Variants in LRCH2 observed in about 807,000 individuals in gnomAD.
LRCH2 encodes leucine rich repeats and calponin homology domain containing 2, also known as leucine-rich repeat and calponin homology domain-containing protein 2.
In LRCH2, 38 loss-of-function variants were observed where a neutral mutation model predicts 68.9. The observed-to-expected ratio is 0.55, with a 90% confidence interval of 0.43 to 0.72. The LOEUF (loss-of-function observed/expected upper bound fraction) is 0.72, where lower values mean the gene tolerates loss of function less well. Ranked by LOEUF, LRCH2 falls within the 30% of genes least tolerant of loss-of-function variation. LRCH2 has a pLI of 0.00. For synonymous variants in LRCH2, 191 were observed against 208.1 expected, an observed-to-expected ratio of 0.92 and a Z score of 0.71; for missense variants, 528 against 572.9, an observed-to-expected ratio of 0.92 and a Z score of 0.80.
At chrX:115,192,171 A>G in intron 1 of LRCH2, 2 of 1,166,486 alleles carry the variant, frequency 1.7e-6, no homozygotes, top group Non-Finnish European at 2.3e-6. Flanking sequence ...ACGGAAGAGG[A>G]GGCTGCTACG....
rs1478778478 is a variant in LRCH2 at position 115,111,540 on chromosome X, T to C, written c.*1676A>G. 2 of 110,747 alleles carry C rather than the reference T, an allele frequency of 1.8e-5. No homozygotes were observed. Among genetic ancestry groups the C allele is most frequent in the Non-Finnish European group, 3.8e-5 (2 of 52,880 alleles). 9.1% of individuals were successfully genotyped at this position (110,747 alleles called of 1,213,427 possible). On this transcript the variant is annotated 3_prime_UTR_variant, in exon 21 of 21. Transcript: ENST00000317135. The stretch of plus-strand genomic sequence containing the variant: ...ACCCAAGTTTTCACTAGGGAGATTA[T>C]GTCAGCGAGTTTTTTTTTTATCCAA...
intron 3 of LRCH2, among the ~76,000 whole-genome samples, chrX:115,180,475 C>T (rs2072683449): frequency 9.1e-6 from 1 of 110,354 alleles, no homozygotes; most frequent in Admixed American, 9.7e-5. Context: ...GAAAAAAGAA[C>T]AGTTTAAGTT....
At chrX:115,150,990 TA>T (rs1464113648) in intron 12 of LRCH2, among the ~76,000 whole-genome samples, 1 of 111,690 alleles carries the variant, frequency 9.0e-6, no homozygotes, top group Non-Finnish European at 1.9e-5. Flanking sequence ...AAATGTCTAG[TA>T]AGAGACTTGA....
intron 14 of LRCH2, among the ~76,000 whole-genome samples, chrX:115,136,456 C>T (rs1248290859): frequency 9.0e-6 from 1 of 110,544 alleles, no homozygotes; most frequent in Non-Finnish European, 1.9e-5. Flanking sequence ...AGTTGTTACA[C>T]TATATTTTTT....
intron 1 of LRCH2, among the ~76,000 whole-genome samples, chrX:115,226,696 G>C (rs1413287605): frequency 9.0e-6 from 1 of 111,549 alleles, no homozygotes; most frequent in Non-Finnish European, 1.9e-5. Flanking sequence ...GAGGGAAAGG[G>C]AAGAGTGGAG....
intron 5 of LRCH2, among the ~76,000 whole-genome samples, chrX:115,176,507 ATTT>A (rs11360572): frequency 9.4e-5 from 9 of 95,347 alleles, no homozygotes; most frequent in African/African-American, 3.0e-4. Context: ...CTATTTTTCA[ATTT>A]TTTTTTTTTT....
intron 1 of LRCH2, among the ~76,000 whole-genome samples, chrX:115,214,884 C>A (rs1216432257): frequency 1.8e-5 from 2 of 111,878 alleles, no homozygotes; most frequent in Non-Finnish European, 3.8e-5. Context: ...CAGCTCTATG[C>A]AGTTATCTGT....
intron 1 of LRCH2, among the ~76,000 whole-genome samples, chrX:115,211,942 T>C (rs782654760): frequency 3.9e-4 from 44 of 112,349 alleles, no homozygotes; most frequent in Admixed American, 8.5e-4. Flanking sequence ...AGAGATGGGC[T>C]CTTATTACTT....
intron 1 of LRCH2, among the ~76,000 whole-genome samples, chrX:115,208,625 G>A (rs1467833783): frequency 3.6e-5 from 4 of 111,816 alleles, no homozygotes; most frequent in African/African-American, 1.3e-4. Flanking sequence ...TCTATCTGCG[G>A]CCCATTGAAA....
chrX:115,231,044 TC>T (rs1305899691), intron 1 of LRCH2, among the ~76,000 whole-genome samples: 1 of 111,063 alleles, frequency 9.0e-6, no homozygotes, highest in African/African-American at 3.3e-5. Flanking sequence ...AAAAAAACCT[TC>T]CCCCATTTAT....
At chrX:115,232,672 G>T in intron 1 of LRCH2, among the ~76,000 whole-genome samples, 1 of 111,622 alleles carries the variant, frequency 9.0e-6, no homozygotes, top group Non-Finnish European at 1.9e-5. Context: ...TTACTATATT[G>T]TTTCAAAATG....
intron 1 of LRCH2, among the ~76,000 whole-genome samples, chrX:115,225,881 A>G (rs1257273949): frequency 8.9e-6 from 1 of 112,258 alleles, no homozygotes; most frequent in Non-Finnish European, 1.9e-5. Context: ...AAATCAAGAA[A>G]GACTTCATCG....
At chrX:115,142,802 T>C (rs1279202584) in intron 14 of LRCH2, among the ~76,000 whole-genome samples, 1 of 111,297 alleles carries the variant, frequency 9.0e-6, no homozygotes, top group African/African-American at 3.3e-5. Context: ...CCAAAGTTAG[T>C]ATAAGAAAAG....
At chrX:115,191,624 A>G in intron 1 of LRCH2, 2 of 1,087,582 alleles carry the variant, frequency 1.8e-6, no homozygotes, top group Non-Finnish European at 2.4e-6. Context: ...CCTGACACCT[A>G]CAGCCGGGGC....
intron 14 of LRCH2, among the ~76,000 whole-genome samples, chrX:115,135,500 C>T (rs980477919): frequency 4.1e-4 from 46 of 111,196 alleles, no homozygotes; most frequent in Non-Finnish European, 1.1e-4. Flanking sequence ...TAAGGAGTTG[C>T]TTTTAATGGA....
chrX:115,152,489 TA>T (rs1177816250), intron 12 of LRCH2, among the ~76,000 whole-genome samples: 1 of 111,192 alleles, frequency 9.0e-6, no homozygotes, highest in Non-Finnish European at 1.9e-5. Flanking sequence ...CATCTGAAAT[TA>T]AAACAAACTG....
At chrX:115,134,419 A>C (rs2072271566) in intron 14 of LRCH2, among the ~76,000 whole-genome samples, 1 of 112,467 alleles carries the variant, frequency 8.9e-6, no homozygotes, top group Admixed American at 9.4e-5. Context: ...ACTGCTGTAG[A>C]TAGAGAGAAG....
At position 115,190,994 on chromosome X, in the gene LRCH2, TG is replaced by T. The variant is rs782372816; in HGVS notation, c.350-2625del. 7 of 1,146,196 alleles carry T rather than the reference TG, an allele frequency of 6.1e-6. No homozygotes were observed. In the African/African-American group the frequency reaches 1.4e-4, roughly 24 times the overall value. 94.5% of individuals were successfully genotyped at this position (1,146,196 alleles called of 1,213,427 possible). On this transcript the variant is annotated intron_variant, in intron 1 of 20. Coordinates refer to ENST00000317135, the MANE Select transcript of LRCH2 (RefSeq NM_020871.4). ...TATGAGGAGAACCGAGGCCACTCTC[TG>T]GATGCCAACAGCGGAGGCCGTTCAC...
intron 1 of LRCH2, among the ~76,000 whole-genome samples, chrX:115,227,479 C>CT (rs1556576744): frequency 9.1e-6 from 1 of 109,505 alleles, no homozygotes; most frequent in African/African-American, 3.3e-5. Flanking sequence ...TACAAAATAT[C>CT]TATATGACAA....
Sources: allele counts gnomAD v4.1 joint callset (sites outside exome capture counted in the v4.1 genomes callset), GRCh38; gene constraint gnomAD v4.1.1; transcripts MANE v1.5; gene names NCBI Gene and HGNC (gene_info 2026-07-23, HGNC 2026-07-21).